The following INPP4B variants were observed in gnomAD, a reference collection of about 807,000 sequenced individuals.
INPP4B encodes the protein inositol polyphosphate-4-phosphatase type II B, also known as inositol polyphosphate 4-phosphatase type II.
Under a neutral mutation model 122.5 loss-of-function variants are expected in INPP4B, and 55 were observed. The observed-to-expected ratio is 0.45, with a 90% CI of 0.36 to 0.56. INPP4B has a LOEUF of 0.56. Ranked by LOEUF, INPP4B falls within the 20% of genes least tolerant of loss-of-function variation. The pLI is 0.00. For missense variants in INPP4B, 1,000 were observed against 1,097.7 expected, an observed-to-expected ratio of 0.91 and a Z score of 1.26; for synonymous variants, 403 against 388.7, an observed-to-expected ratio of 1.04 and a Z score of -0.43.
Position 142,164,515 on chromosome 4 carries a change from T to C in INPP4B, c.1360-3954A>G, listed in dbSNP as rs552302722. ...CTACACTCTGTCATTAGGGCACTGA[T>C]GTATTTTCAACATTCCCTAAAGGAA... On this transcript the variant is annotated intron_variant, in intron 16 of 25. Transcript: ENST00000262992. 3.8e-4 allele frequency among the ~76,000 whole-genome samples: 57 copies of C among 151,882 alleles called. 1 individual carries two copies. The highest frequency in any genetic ancestry group is 1.2e-3 in the African/African-American group (51 of 41,500).
chr4:142,202,127 GTAATAGA>G (rs906814641), intron 14 of INPP4B, among the ~76,000 whole-genome samples: 1 of 152,004 alleles, frequency 6.6e-6, no homozygotes, highest in Admixed American at 6.6e-5. Flanking sequence ...TAGATAAAAA[GTAATAGA>G]TAAGTAGAAT....
At chr4:142,490,186 T>A (rs116528286) in intron 2 of INPP4B, among the ~76,000 whole-genome samples, 1 of 151,764 alleles carries the variant, frequency 6.6e-6, no homozygotes, top group Non-Finnish European at 1.5e-5. Flanking sequence ...CCAGGCTCAA[T>A]TGATGCTCCC....
At chr4:142,728,848 A>G (rs1765682765) in intron 1 of INPP4B, among the ~76,000 whole-genome samples, 1 of 152,176 alleles carries the variant, frequency 6.6e-6, no homozygotes, top group African/African-American at 2.4e-5. Context: ...AAGCTACTTA[A>G]TTAGTGGTAA....
intron 7 of INPP4B, among the ~76,000 whole-genome samples, chr4:142,397,719 G>A (rs1464170622): frequency 2.6e-5 from 4 of 151,902 alleles, no homozygotes; most frequent in African/African-American, 9.7e-5. Flanking sequence ...GGCGCCTGTA[G>A]TCCCAGTTAC....
At chr4:142,083,336 T>C (rs1032456512) in intron 24 of INPP4B, among the ~76,000 whole-genome samples, 6 of 152,146 alleles carry the variant, frequency 3.9e-5, no homozygotes, top group Non-Finnish European at 8.8e-5. Flanking sequence ...GTTCTTTCTT[T>C]TTGTTATTCT....
intron 2 of INPP4B, among the ~76,000 whole-genome samples, chr4:142,627,695 G>C (rs1746795757): frequency 6.6e-6 from 1 of 151,634 alleles, no homozygotes; most frequent in African/African-American, 2.4e-5. Flanking sequence ...GTTCATCAAG[G>C]ATATTGGTCT....
intron 25 of INPP4B, among the ~76,000 whole-genome samples, chr4:142,030,906 T>TA (rs1739516849): frequency 6.6e-6 from 1 of 152,152 alleles, no homozygotes; most frequent in East Asian, 1.9e-4. Flanking sequence ...ACCCTTCTGT[T>TA]AGTTCAGCTC....
chr4:142,284,827 C>CAAGTGTGAAATAGGT (rs1423847209), intron 9 of INPP4B, among the ~76,000 whole-genome samples: 1 of 152,086 alleles, frequency 6.6e-6, no homozygotes, highest in Non-Finnish European at 1.5e-5. Flanking sequence ...TACAGCAATA[C>CAAGTGTGAAATAGGT]AAGTGTGAAA....
chr4:142,686,080 T>G (rs1167830235), intron 2 of INPP4B, among the ~76,000 whole-genome samples: 1 of 152,104 alleles, frequency 6.6e-6, no homozygotes, highest in African/African-American at 2.4e-5. Context: ...AGGTTGGAAC[T>G]GGGACTGCAA....
chr4:142,659,131 G>A (rs1754685688), intron 2 of INPP4B, among the ~76,000 whole-genome samples: 1 of 151,894 alleles, frequency 6.6e-6, no homozygotes, highest in Non-Finnish European at 1.5e-5. Flanking sequence ...AGGGCACGGA[G>A]GTTCACACCT....
At chr4:142,134,833 G>C (rs1803228918) in intron 18 of INPP4B, among the ~76,000 whole-genome samples, 1 of 146,938 alleles carries the variant, frequency 6.8e-6, no homozygotes, top group Admixed American at 6.8e-5. Context: ...AGTTGTTTTA[G>C]CTGGAGAACT....
intron 25 of INPP4B, among the ~76,000 whole-genome samples, chr4:142,035,737 G>A (rs1054147802): frequency 6.6e-5 from 10 of 152,170 alleles, no homozygotes; most frequent in African/African-American, 2.4e-4. Flanking sequence ...TGGTCTGGTT[G>A]CAAAGAATAG....
rs1579178667 is a variant in INPP4B at position 142,176,442 on chromosome 4, ATATTGCCTTCCT to A, written c.1182-2645_1182-2634del. 2.0e-5 allele frequency among the ~76,000 whole-genome samples: 3 copies of A among 151,974 alleles called. No individual in the cohort carries two copies. In the East Asian group the frequency reaches 5.8e-4, roughly 30 times the overall value. Reference sequence around the variant, plus strand: ...TATCCATTCCATTTTACTCCTATCAATATTGCCTTCCTTCTTTACTATTATTCTTTCCCAGAA... The same window carrying A: ...TATCCATTCCATTTTACTCCTATCAATCTTTACTATTATTCTTTCCCAGAA... On this transcript the variant is annotated intron_variant, in intron 15 of 25. Coordinates refer to ENST00000262992, the MANE Select transcript of INPP4B (RefSeq NM_001101669.3).
intron 8 of INPP4B, among the ~76,000 whole-genome samples, chr4:142,314,041 C>T (rs1488785484): frequency 6.6e-6 from 1 of 152,148 alleles, no homozygotes; most frequent in Admixed American, 6.5e-5. Flanking sequence ...TGGCTCAGCC[C>T]CAGGGCTTCT....
chr4:142,730,859 A>G (rs1036172947), intron 1 of INPP4B, among the ~76,000 whole-genome samples: 37 of 152,236 alleles, frequency 2.4e-4, no homozygotes, highest in African/African-American at 8.2e-4. Context: ...ATATCTATTA[A>G]TGTAGGTAGA....
At chr4:142,048,547 A>G (rs1752798270) in intron 25 of INPP4B, among the ~76,000 whole-genome samples, 1 of 151,810 alleles carries the variant, frequency 6.6e-6, no homozygotes, top group African/African-American at 2.4e-5. Flanking sequence ...AAGAGAGGCA[A>G]GGGTTTGTTA....
intron 9 of INPP4B, among the ~76,000 whole-genome samples, chr4:142,299,806 C>T (rs1201942314): frequency 6.6e-6 from 1 of 151,492 alleles, no homozygotes; most frequent in African/African-American, 2.4e-5. Context: ...CCCCTACCAC[C>T]CCCCCAAAAA....
intron 2 of INPP4B, among the ~76,000 whole-genome samples, chr4:142,468,788 A>G (rs1374150517): frequency 1.3e-5 from 2 of 152,192 alleles, no homozygotes; most frequent in Non-Finnish European, 2.9e-5. Context: ...CTACAGAACC[A>G]TAAGCCAAAT....
chr4:142,815,169 G>C (rs897780860), intron 1 of INPP4B, among the ~76,000 whole-genome samples: 10 of 152,076 alleles, frequency 6.6e-5, no homozygotes, highest in African/African-American at 2.4e-4. Context: ...TGCCTGGACT[G>C]GTATTCCTCA....
Sources: gnomAD v4.1 joint callset for allele counts (sites outside exome capture counted in the v4.1 genomes callset) on GRCh38, gnomAD v4.1.1 for gene constraint, MANE v1.5 for transcripts, NCBI Gene and HGNC (gene_info 2026-07-23, HGNC 2026-07-21) for gene names.